The following RBFOX2 variants were observed in gnomAD, a reference collection of about 807,000 sequenced individuals.
RBFOX2 encodes RNA binding fox-1 homolog 2.
RBFOX2 carries 10 observed loss-of-function variants against 49.1 expected under a neutral mutation model. The ratio of observed to expected loss-of-function variants is 0.20; its 90% CI spans 0.13 to 0.35. The LOEUF (loss-of-function observed/expected upper bound fraction) is 0.35. RBFOX2 is among the 10% of genes least tolerant of loss of function. The probability of loss-of-function intolerance (pLI) is 1.00; values close to 1 mark genes in which losing one functional copy is unlikely to be tolerated. For missense variants in RBFOX2, 323 were observed against 486.9 expected (o/e 0.66, Z 3.17); for synonymous variants, 183 against 187.4 (o/e 0.98, Z 0.19).
At chr22:35,807,381 TA>T (rs576713349) in intron 2 of RBFOX2, among the ~76,000 whole-genome samples, 1 of 151,858 alleles carries the variant, frequency 6.6e-6, no homozygotes, top group Admixed American at 6.6e-5. Flanking sequence ...CTCAATAAAT[TA>T]AAAAAAATTG....
At chr22:36,008,580 C>A (rs1259450502) in intron 1 of RBFOX2, among the ~76,000 whole-genome samples, 2 of 152,002 alleles carry the variant, frequency 1.3e-5, no homozygotes, top group African/African-American at 4.8e-5. Flanking sequence ...ACTTTGGGAG[C>A]CCGAAGTAGG....
rs566281826 is a variant in RBFOX2 at position 35,882,458 on chromosome 22, T to C, written c.-34+56389A>G. Among the ~76,000 whole-genome samples, 18 of 152,360 alleles carry C rather than the reference T, an allele frequency of 1.2e-4. 1 individual carries two copies. In the South Asian group the frequency reaches 3.5e-3, roughly 30 times the overall value. ...TATAATCAAATATAAACAACGCTAC[T>C]GAGTTTTGCTTTAAAGGAAAAGAAA... is the stretch of plus-strand genomic sequence containing the variant. On this transcript the variant is annotated intron_variant, in intron 1 of 13. Transcript: ENST00000359369.
intron 1 of RBFOX2, among the ~76,000 whole-genome samples, chr22:35,895,398 T>C (rs2047718465): frequency 1.3e-5 from 2 of 152,146 alleles, no homozygotes; most frequent in South Asian, 2.1e-4. Context: ...TCTGCCCCAA[T>C]TGTGGAGCCC....
At chr22:35,931,136 A>C (rs940507764) in intron 1 of RBFOX2, among the ~76,000 whole-genome samples, 4 of 152,172 alleles carry the variant, frequency 2.6e-5, no homozygotes, top group Non-Finnish European at 4.4e-5. Context: ...TGTAAGGACA[A>C]CACCACAGAA....
chr22:35,746,572 G>A lies in RBFOX2; in HGVS notation c.888-11C>T, dbSNP rs752696282. On this transcript the variant is annotated splice_polypyrimidine_tract_variant and intron_variant, in intron 9 of 11. Coordinates refer to ENST00000405409, the Ensembl canonical transcript of RBFOX2. ...GGCTGCATATCCACCCTACAGGAGA[G>A]AAGAGAACTGACTTTACAGATACCT... 2 of 1,529,102 alleles carry A rather than the reference G, an allele frequency of 1.3e-6. No individual in the cohort carries two copies. Among genetic ancestry groups the A allele is most frequent in the South Asian group, 1.2e-5 (1 of 82,666 alleles). The allele number at this position is 1,529,102 out of a possible 1,614,324, so 94.7% of individuals were successfully genotyped here.
At chr22:35,956,231 T>G (rs2055539324) in intron 1 of RBFOX2, among the ~76,000 whole-genome samples, 1 of 152,236 alleles carries the variant, frequency 6.6e-6, no homozygotes, top group Non-Finnish European at 1.5e-5. Context: ...CTGAAAAGTC[T>G]TTTAAGGTTC....
At chr22:35,823,054 C>T (rs1603303684) in intron 1 of RBFOX2, among the ~76,000 whole-genome samples, 1 of 152,196 alleles carries the variant, frequency 6.6e-6, no homozygotes, top group African/African-American at 2.4e-5. Flanking sequence ...CACCTGACCT[C>T]AGGTGATCCG....
chr22:35,974,275 G>A (rs1456942675), intron 1 of RBFOX2, among the ~76,000 whole-genome samples: 1 of 152,212 alleles, frequency 6.6e-6, no homozygotes, highest in Non-Finnish European at 1.5e-5. Context: ...TCTAAGGAGA[G>A]AAAAGGAGTT....
At chr22:35,748,181 T>TA (rs1285950075) in intron 9 of RBFOX2, 25 of 152,162 alleles carry the variant, frequency 1.6e-4, no homozygotes, top group African/African-American at 4.8e-5. Context: ...CAAATGTACT[T>TA]AAAAAAATCC....
chr22:36,023,046 T>G (rs1437403825), intron 1 of RBFOX2, among the ~76,000 whole-genome samples: 1 of 152,144 alleles, frequency 6.6e-6, no homozygotes, highest in Non-Finnish European at 1.5e-5. Flanking sequence ...AGTGAAATAT[T>G]GTTCATGAAA....
chr22:35,983,869 C>T (rs1208257986), intron 1 of RBFOX2, among the ~76,000 whole-genome samples: 5 of 152,142 alleles, frequency 3.3e-5, no homozygotes, highest in Non-Finnish European at 7.4e-5. Flanking sequence ...GGAATCCAAG[C>T]TCTCTTCCTC....
intron 2 of RBFOX2, among the ~76,000 whole-genome samples, chr22:35,806,473 T>C (rs1431969383): frequency 6.6e-6 from 1 of 152,160 alleles, no homozygotes; most frequent in African/African-American, 2.4e-5. Context: ...CACACATGCA[T>C]GTGCACACAC....
chr22:35,762,386 ATACTC>A (rs1221883487), intron 6 of RBFOX2, among the ~76,000 whole-genome samples: 1 of 152,036 alleles, frequency 6.6e-6, no homozygotes, highest in African/African-American at 2.4e-5. Context: ...ATAAGCAAAA[ATACTC>A]TATATTATAT....
chr22:36,023,921 G>A (rs957393454), intron 1 of RBFOX2, among the ~76,000 whole-genome samples: 5 of 152,088 alleles, frequency 3.3e-5, no homozygotes, highest in South Asian at 2.1e-4. Flanking sequence ...ACTCTCTGGC[G>A]TTTCCTAAAC....
chr22:35,760,710 G>A (rs1307881414), intron 8 of RBFOX2, among the ~76,000 whole-genome samples: 1 of 152,128 alleles, frequency 6.6e-6, no homozygotes, highest in East Asian at 1.9e-4. Flanking sequence ...GCTGTCCTCT[G>A]GAAAGCATGC....
upstream of RBFOX2, among the ~76,000 whole-genome samples, chr22:35,965,244 A>G (rs1025565726): frequency 6.6e-6 from 1 of 152,228 alleles, no homozygotes; most frequent in African/African-American, 2.4e-5. Context: ...ACAACATAAC[A>G]AACTTGAACT....
chr22:35,840,146 TC>T, intron 1 of RBFOX2: 2 of 1,601,198 alleles, frequency 1.2e-6, no homozygotes, highest in Non-Finnish European at 1.7e-6. Context: ...TTTATTTAGA[TC>T]CCAGAGAGGA....
At position 35,875,934 on chromosome 22, in the gene RBFOX2, C is replaced by A. The variant is rs556309598; in HGVS notation, c.-34+62913G>T. ...AAAGCTTTATTGTCCAATTCTAATA[C>A]AAATTTTGAAAGCTGTAGTTAAAAT... is the stretch of plus-strand genomic sequence containing the variant. On this transcript the variant is annotated intron_variant, in intron 1 of 13. Transcript: ENST00000359369. Among the ~76,000 whole-genome samples the A allele has an allele frequency of 1.2e-4, 18 of 152,122 alleles. 1 individual carries two copies. In the South Asian group the frequency reaches 3.5e-3, roughly 30 times the overall value.
chr22:35,794,672 G>GT (rs1479905629), intron 2 of RBFOX2, among the ~76,000 whole-genome samples: 2 of 151,168 alleles, frequency 1.3e-5, no homozygotes, highest in Admixed American at 1.3e-4. Context: ...AAAAAAAAAA[G>GT]TTTTTTAGCT....
Sources: allele counts gnomAD v4.1 joint callset (sites outside exome capture counted in the v4.1 genomes callset), GRCh38; gene constraint gnomAD v4.1.1; transcripts MANE v1.5; gene names NCBI Gene and HGNC (gene_info 2026-07-23, HGNC 2026-07-21).